The following BICDL1 variants were observed in gnomAD, a reference collection of about 807,000 sequenced individuals.
BICDL1 encodes the protein BICD family-like cargo adapter 1.
A neutral mutation model predicts 76.8 loss-of-function variants in BICDL1; 20 were observed. The ratio of observed to expected loss-of-function variants is 0.26; its 90% CI spans 0.18 to 0.38. The LOEUF is 0.38. Ranked by LOEUF, BICDL1 falls within the 10% of genes least tolerant of loss-of-function variation. BICDL1 has a pLI of 1.00. For missense variants in BICDL1, 700 were observed against 798.6 expected, an observed-to-expected ratio of 0.88 and a Z score of 1.49; for synonymous variants, 383 against 337.1, an observed-to-expected ratio of 1.14 and a Z score of -1.49.
At chr12:120,042,531 G>C (rs563694977) in intron 2 of BICDL1, among the ~76,000 whole-genome samples, 1 of 152,276 alleles carries the variant, frequency 6.6e-6, no homozygotes, top group South Asian at 2.1e-4. Context: ...CAGGCCGGGC[G>C]TGGTGGCTCA....
chr12:120,014,016 G>A (rs1594115057), intron 2 of BICDL1, among the ~76,000 whole-genome samples: 2 of 152,212 alleles, frequency 1.3e-5, no homozygotes, highest in South Asian at 2.1e-4. Flanking sequence ...CACTAAGGCC[G>A]TAGGAGGATG....
intron 8 of BICDL1, among the ~76,000 whole-genome samples, chr12:120,081,241 A>T (rs1873956980): frequency 7.3e-6 from 1 of 137,466 alleles, no homozygotes; most frequent in Admixed American, 8.2e-5. Flanking sequence ...TCTTTTTCTT[A>T]TGCATATGTA....
intron 2 of BICDL1, among the ~76,000 whole-genome samples, chr12:120,012,287 T>C (rs1343713521): frequency 2.6e-5 from 4 of 152,172 alleles, no homozygotes; most frequent in African/African-American, 7.2e-5. Context: ...AGGAGGTGTT[T>C]ATGTGATTTT....
chr12:120,041,660 C>G (rs1235236309), intron 2 of BICDL1, among the ~76,000 whole-genome samples: 1 of 152,094 alleles, frequency 6.6e-6, no homozygotes, highest in African/African-American at 2.4e-5. Context: ...GAGGAGGCCT[C>G]TCTGATAAGA....
intron 6 of BICDL1, among the ~76,000 whole-genome samples, chr12:120,074,203 G>A (rs980131712): frequency 2.0e-4 from 30 of 151,966 alleles, no homozygotes; most frequent in African/African-American, 4.4e-4. Context: ...GAGCCACTGC[G>A]CCCGGCCACA....
chr12:120,060,975 C>T (rs1953092770), intron 2 of BICDL1, among the ~76,000 whole-genome samples: 1 of 152,226 alleles, frequency 6.6e-6, no homozygotes, highest in Admixed American at 6.5e-5. Context: ...CGTGGCTCTC[C>T]TCTCCACAGG....
intron 2 of BICDL1, among the ~76,000 whole-genome samples, chr12:120,031,756 T>G (rs1005836563): frequency 5.3e-5 from 8 of 152,106 alleles, no homozygotes; most frequent in African/African-American, 1.7e-4. Context: ...CCCTGTGTAA[T>G]TCGAAAAGGC....
intron 2 of BICDL1, among the ~76,000 whole-genome samples, chr12:120,033,484 C>T (rs1952470296): frequency 6.7e-6 from 1 of 149,884 alleles, no homozygotes; most frequent in African/African-American, 2.5e-5. Context: ...TCACGCCATT[C>T]TCCCACCTCA....
chr12:120,005,612 A>T (rs890356962), intron 2 of BICDL1, among the ~76,000 whole-genome samples: 1 of 152,108 alleles, frequency 6.6e-6, no homozygotes, highest in African/African-American at 2.4e-5. Context: ...GCTTCAGGTG[A>T]TCCACCTCGG....
At chr12:120,032,992 G>A (rs1952454916) in intron 2 of BICDL1, among the ~76,000 whole-genome samples, 1 of 151,986 alleles carries the variant, frequency 6.6e-6, no homozygotes, top group Admixed American at 6.6e-5. Flanking sequence ...TGATTTGCTG[G>A]CCTCAGCCTC....
At chr12:120,051,678 A>G (rs1952863043) in intron 2 of BICDL1, among the ~76,000 whole-genome samples, 2 of 152,226 alleles carry the variant, frequency 1.3e-5, no homozygotes, top group African/African-American at 2.4e-5. Flanking sequence ...TACAAAAGCA[A>G]TATGGATTCT....
chr12:120,050,705 G>C lies in BICDL1; in HGVS notation c.646-11005G>C, dbSNP rs555179416. Among the ~76,000 whole-genome samples the C allele has an allele frequency of 3.1e-4, 47 of 151,954 alleles. 1 individual carries two copies. In the South Asian group the frequency reaches 9.8e-3, roughly 32 times the overall value. The stretch of plus-strand genomic sequence containing the variant: ...TGCCCAGGCTGGAATGCAGTGGCAC[G>C]ATCTTGGCTCACTGCAACCTCTGCC... On this transcript the variant is annotated intron_variant, in intron 2 of 9. Transcript: ENST00000548673.
chr12:120,017,588 TGG>T (rs1952091604), intron 2 of BICDL1, among the ~76,000 whole-genome samples: 2 of 152,178 alleles, frequency 1.3e-5, no homozygotes, highest in Admixed American at 6.5e-5. Context: ...AAAAATAAGC[TGG>T]GCATGGTGGC....
At position 120,074,436 on chromosome 12, in the gene BICDL1, C is replaced by A; in HGVS notation, c.1309-7C>A. The stretch of plus-strand genomic sequence containing the variant: ...TATCTGTCTGGCTGTCTTTCTTTTA[C>A]TGTCAGGGCTCCCGGAGACTTGATG... On this transcript the variant is annotated splice_region_variant and splice_polypyrimidine_tract_variant and intron_variant, in intron 6 of 9. Transcript: ENST00000548673. 1 of 1,188,480 alleles carries A rather than the reference C, an allele frequency of 8.4e-7. No homozygotes were observed. The highest frequency in any genetic ancestry group is 1.1e-6 in the Non-Finnish European group (1 of 939,096). 73.6% of individuals were successfully genotyped at this position (1,188,480 alleles called of 1,614,324 possible). A position where few individuals can be genotyped will look rare whatever the true frequency, so the allele number is the denominator to read the frequency against.
At chr12:120,031,871 G>A (rs1185483747) in intron 2 of BICDL1, among the ~76,000 whole-genome samples, 1 of 152,062 alleles carries the variant, frequency 6.6e-6, no homozygotes, top group East Asian at 1.9e-4. Context: ...CAGGAGGATC[G>A]CTTGAGCCCA....
intron 9 of BICDL1, chr12:120,092,626 G>T (rs568154227): frequency 1.0e-6 from 1 of 985,444 alleles, no homozygotes; most frequent in East Asian, 1.1e-4. Flanking sequence ...CAAACCGGAG[G>T]CACCAGCCAG....
At chr12:120,091,793 G>A in intron 9 of BICDL1, 1 of 985,374 alleles carries the variant, frequency 1.0e-6, no homozygotes, top group Non-Finnish European at 1.2e-6. Flanking sequence ...CCATGGGTGG[G>A]AGGGAGGAGG....
intron 7 of BICDL1, 112 bp from the exon 8 acceptor site, chr12:120,080,775 A>T: frequency 8.6e-7 from 1 of 1,162,916 alleles, no homozygotes; most frequent in South Asian, 1.5e-5. Context: ...ACCAGCTTGC[A>T]CCCCCACACA....
At chr12:120,055,175 A>T (rs7298081) in intron 2 of BICDL1, among the ~76,000 whole-genome samples, 1 of 152,182 alleles carries the variant, frequency 6.6e-6, no homozygotes, top group Non-Finnish European at 1.5e-5. Flanking sequence ...GTAAAACTCA[A>T]TTATTCAGGC....
Sources: allele counts gnomAD v4.1 joint callset (sites outside exome capture counted in the v4.1 genomes callset), GRCh38; gene constraint gnomAD v4.1.1; transcripts MANE v1.5; gene names NCBI Gene and HGNC (gene_info 2026-07-23, HGNC 2026-07-21).